SLC2A12: variants seen among roughly 807,000 people sequenced by gnomAD.
The protein encoded by SLC2A12 is solute carrier family 2, facilitated glucose transporter member 12.
SLC2A12 carries 23 observed loss-of-function variants against 41.8 expected under a neutral mutation model. The observed-to-expected ratio is 0.55, with a 90% CI of 0.40 to 0.78. SLC2A12 has a LOEUF of 0.78. SLC2A12 is among the 30% of genes least tolerant of loss of function. SLC2A12 has a pLI of 0.00. For synonymous variants in SLC2A12, 295 were observed against 285.9 expected (o/e 1.03, Z -0.32); for missense variants, 654 against 745.6 (o/e 0.88, Z 1.43).
chr6:134,021,317 C>T (rs954582982), intron 2 of SLC2A12, among the ~76,000 whole-genome samples: 1 of 152,166 alleles, frequency 6.6e-6, no homozygotes, highest in Non-Finnish European at 1.5e-5. Context: ...CTTAAAAACA[C>T]AAAGGTAAAT....
chr6:134,045,092 A>G (rs951833805), intron 1 of SLC2A12, among the ~76,000 whole-genome samples: 1 of 152,324 alleles, frequency 6.6e-6, no homozygotes, highest in East Asian at 1.9e-4. Flanking sequence ...ATTCCTACCT[A>G]TTATGAATTG....
intron 3 of SLC2A12, among the ~76,000 whole-genome samples, chr6:134,006,456 CATG>C (rs1776817764): frequency 6.6e-6 from 1 of 152,094 alleles, no homozygotes; most frequent in African/African-American, 2.4e-5. Context: ...ACAATTAAAA[CATG>C]AACACAGACT....
At chr6:134,033,966 C>T (rs1030335220) in intron 1 of SLC2A12, among the ~76,000 whole-genome samples, 4 of 152,028 alleles carry the variant, frequency 2.6e-5, no homozygotes, top group Non-Finnish European at 5.9e-5. Context: ...CCTGGTTTCT[C>T]GGGCCGGGAC....
chr6:134,038,651 G>A lies in SLC2A12; in HGVS notation c.104-8930C>T, dbSNP rs147455016. ...GCTGGGATTATAGACGTGAGCCACC[G>A]CACCTGGCTTCTTTCTGCTCTTCCT... On this transcript the variant is annotated intron_variant, in intron 1 of 4. Coordinates refer to ENST00000275230, the MANE Select transcript of SLC2A12 (RefSeq NM_145176.3). 3.4e-3 allele frequency among the ~76,000 whole-genome samples: 487 copies of A among 145,076 alleles called. 7 individuals are homozygous for A. The highest frequency in any genetic ancestry group is 4.2e-3 in the Non-Finnish European group (280 of 66,918).
At chr6:134,049,270 T>G (rs1054836348) in intron 1 of SLC2A12, among the ~76,000 whole-genome samples, 2 of 152,236 alleles carry the variant, frequency 1.3e-5, no homozygotes, top group African/African-American at 4.8e-5. Flanking sequence ...CAGAGAGTTC[T>G]GCAGTGCTGA....
At position 134,006,896 on chromosome 6, in the gene SLC2A12, T is replaced by A; in HGVS notation, c.1483A>T (p.Ile495Phe). 6.2e-7 allele frequency: 1 copy of A among 1,614,072 alleles called. No homozygotes were observed. The highest frequency in any genetic ancestry group is 1.6e-4 in the Middle Eastern group (1 of 6,062). ...GTTAAAGCCATGGCTCGTCCTCTGA[T>A]CCCACCAGGAAAGATCTCGCTGAGC... ...LVLSEIFPGG[I>F]RGRAMALTSS... Residue 495 changes from isoleucine (I) to phenylalanine (F), a missense_variant, in exon 3 of 5, where the codon ATC (isoleucine) becomes TTC (phenylalanine). Physicochemically the swap from Ile to Phe is conservative, Grantham distance 21. Around this residue, in one of 3 missense-constraint regions of SLC2A12, gnomAD observed 134 missense variants for 180.5 expected, o/e 0.74. Coordinates refer to ENST00000275230, the MANE Select transcript of SLC2A12 (RefSeq NM_145176.3).
chr6:134,014,363 G>T, intron 2 of SLC2A12, among the ~76,000 whole-genome samples: 1 of 152,072 alleles, frequency 6.6e-6, no homozygotes, highest in Non-Finnish European at 1.5e-5. Context: ...GACCTGTACT[G>T]GTCCAGTCCA....
intron 2 of SLC2A12, among the ~76,000 whole-genome samples, chr6:134,010,085 A>T (rs1776860559): frequency 6.6e-6 from 1 of 152,132 alleles, no homozygotes; most frequent in South Asian, 2.1e-4. Context: ...CAGTGGAGAA[A>T]CTCAGTTTCA....
rs1435755618 is a variant in SLC2A12 at position 134,052,535 on chromosome 6, C to A, written c.-55G>T. ...GCCACCAAACCGCCCCGACCACCCCCGCTCCCAGGAGTGGTCACTTTCCCC... is the reference window on the plus strand; with the variant it reads ...GCCACCAAACCGCCCCGACCACCCCAGCTCCCAGGAGTGGTCACTTTCCCC... On this transcript the variant is annotated 5_prime_UTR_variant, in exon 1 of 5. Coordinates refer to ENST00000275230, the MANE Select transcript of SLC2A12 (RefSeq NM_145176.3). 2 of 1,408,536 alleles carry A rather than the reference C, an allele frequency of 1.4e-6. No individual in the cohort carries two copies. The highest frequency in any genetic ancestry group is 2.0e-6 in the Non-Finnish European group (2 of 1,001,038). The allele number at this position is 1,408,536 out of a possible 1,614,324, so 87.3% of individuals were successfully genotyped here. A position where few individuals can be genotyped will look rare whatever the true frequency, so the allele number is the denominator to read the frequency against.
At chr6:134,022,531 CAAAA>C (rs1289580858) in intron 2 of SLC2A12, among the ~76,000 whole-genome samples, 1 of 116,596 alleles carries the variant, frequency 8.6e-6, no homozygotes, top group African/African-American at 3.2e-5. Context: ...AACTCCATCT[CAAAA>C]AAGAAAAGAA....
intron 2 of SLC2A12, among the ~76,000 whole-genome samples, chr6:134,021,480 T>TG (rs2114461170): frequency 1.3e-5 from 2 of 152,352 alleles, no homozygotes; most frequent in African/African-American, 4.8e-5. Context: ...AATACCCTAT[T>TG]GCTAAGGACT....
chr6:134,014,054 A>C (rs1272403216), intron 2 of SLC2A12, among the ~76,000 whole-genome samples: 2 of 152,214 alleles, frequency 1.3e-5, no homozygotes, highest in African/African-American at 2.4e-5. Context: ...TTCAGAAAGT[A>C]AACTCCCTAG....
chr6:134,002,035 T>G lies in SLC2A12; in HGVS notation c.1662A>C (p.Gly554=). The part of the protein sequence containing the change: ...FVVMFIPETK[G]CSLEQISMEL... ...CCATTGATATTTGTTCCAAAGAGCATCCCTTTGTCTCAGGTATAAACATAA... is the reference window on the plus strand; with the variant it reads ...CCATTGATATTTGTTCCAAAGAGCAGCCCTTTGTCTCAGGTATAAACATAA... The change falls in exon 4 of 5, where the codon GGA becomes GGC. Residue 554 remains glycine, a synonymous_variant. Coordinates refer to ENST00000275230, the MANE Select transcript of SLC2A12 (RefSeq NM_145176.3). The G allele has an allele frequency of 6.2e-7, 1 of 1,608,252 alleles. No homozygotes were observed. Among genetic ancestry groups the G allele is most frequent in the Non-Finnish European group, 8.5e-7 (1 of 1,178,144 alleles).
intron 1 of SLC2A12, among the ~76,000 whole-genome samples, chr6:134,044,967 C>T (rs1329727722): frequency 2.0e-5 from 3 of 152,090 alleles, no homozygotes; most frequent in Non-Finnish European, 4.4e-5. Context: ...CTGGCAGCAT[C>T]GTGTTGAGAT....
chr6:134,025,192 G>A (rs1430672093), intron 2 of SLC2A12, among the ~76,000 whole-genome samples: 1 of 152,140 alleles, frequency 6.6e-6, no homozygotes, highest in African/African-American at 2.4e-5. Context: ...GGAGAAGAAT[G>A]AACTAAAAAT....
At chr6:134,036,274 A>G (rs1777297897) in intron 1 of SLC2A12, among the ~76,000 whole-genome samples, 1 of 152,052 alleles carries the variant, frequency 6.6e-6, no homozygotes, top group African/African-American at 2.4e-5. Flanking sequence ...TATTTTGTTC[A>G]AGAAAAACTT....
At chr6:134,043,623 CT>C (rs1195583939) in intron 1 of SLC2A12, among the ~76,000 whole-genome samples, 1 of 151,792 alleles carries the variant, frequency 6.6e-6, no homozygotes, top group Non-Finnish European at 1.5e-5. Flanking sequence ...AAAACCCCGT[CT>C]CTAGTAAAAA....
At chr6:134,041,893 G>A (rs1318420489) in intron 1 of SLC2A12, among the ~76,000 whole-genome samples, 2 of 152,118 alleles carry the variant, frequency 1.3e-5, no homozygotes, top group African/African-American at 4.8e-5. Context: ...GAGTCCCCTG[G>A]CGTCTCCAGG....
chr6:134,011,913 A>G (rs1776889966), intron 2 of SLC2A12, among the ~76,000 whole-genome samples: 2 of 151,984 alleles, frequency 1.3e-5, no homozygotes, highest in African/African-American at 2.4e-5. Flanking sequence ...CGTGGTAGAC[A>G]AGCCTGTAGC....
Sources: allele counts gnomAD v4.1 joint callset (sites outside exome capture counted in the v4.1 genomes callset), GRCh38; gene constraint gnomAD v4.1.1; regional missense constraint gnomAD v4.1.1; transcripts MANE v1.5; gene names NCBI Gene and HGNC (gene_info 2026-07-23, HGNC 2026-07-21).